The following OTOA variants were observed in gnomAD, a reference collection of about 807,000 sequenced individuals.
The protein encoded by OTOA is otoancorin.
A neutral mutation model predicts 110.8 loss-of-function variants in OTOA; 70 were observed. That is an observed-to-expected ratio of 0.63 (90% CI 0.52 to 0.77). The LOEUF (loss-of-function observed/expected upper bound fraction) is 0.77. OTOA is among the 30% of genes least tolerant of loss of function. OTOA has a pLI of 0.00. For synonymous variants in OTOA, 373 were observed against 431.5 expected, an observed-to-expected ratio of 0.86 and a Z score of 1.68; for missense variants, 917 against 1,075.8, an observed-to-expected ratio of 0.85 and a Z score of 2.06.
At chr16:21,684,877 A>G (rs1046075084) in intron 6 of OTOA, among the ~76,000 whole-genome samples, 2 of 151,400 alleles carry the variant, frequency 1.3e-5, no homozygotes, top group Admixed American at 1.3e-4. Context: ...TCAGCCTCCC[A>G]AGTAGCTGGG....
chr16:21,744,184 T>A (rs1015357251), intron 23 of OTOA, among the ~76,000 whole-genome samples: 1 of 147,430 alleles, frequency 6.8e-6, no homozygotes, highest in Non-Finnish European at 1.5e-5. Context: ...AGGGTCTCGC[T>A]CTGTCACCCA....
At chr16:21,672,129 ATAACT>A (rs1966850040) in intron 1 of OTOA, among the ~76,000 whole-genome samples, 1 of 152,128 alleles carries the variant, frequency 6.6e-6, no homozygotes, top group African/African-American at 2.4e-5. Context: ...GATATTCTAG[ATAACT>A]TAGAGTTTCA....
At chr16:21,759,591 G>T (rs550749230) in intron 28 of OTOA, among the ~76,000 whole-genome samples, 13 of 152,128 alleles carry the variant, frequency 8.5e-5, no homozygotes, top group Non-Finnish European at 1.3e-4. Flanking sequence ...AGATCACAGG[G>T]TCTGCATTTA....
chr16:21,735,374 C>T (rs1344591941), intron 21 of OTOA, among the ~76,000 whole-genome samples: 8 of 151,682 alleles, frequency 5.3e-5, no homozygotes, highest in Admixed American at 1.3e-4. Flanking sequence ...AGAGAACGCA[C>T]GCACTATTGT....
At chr16:21,685,474 TC>T in intron 7 of OTOA, 113 bp downstream of exon 7, 1 of 1,457,012 alleles carries the variant, frequency 6.9e-7, no homozygotes, top group Non-Finnish European at 9.3e-7. Context: ...TCTCTTCCTC[TC>T]TCCTTCTGCC....
At chr16:21,750,431 A>AAG (rs1766029885) in intron 24 of OTOA, among the ~76,000 whole-genome samples, 1 of 100,876 alleles carries the variant, frequency 9.9e-6, no homozygotes, top group African/African-American at 3.7e-5. Context: ...AAAAAAAAAA[A>AAG]GGAATTTATT....
At chr16:21,725,343 G>A (rs1898880617) in intron 18 of OTOA, among the ~76,000 whole-genome samples, 1 of 152,094 alleles carries the variant, frequency 6.6e-6, no homozygotes, top group Non-Finnish European at 1.5e-5. Flanking sequence ...GGAGTGCAGT[G>A]GTGCGATCTC....
At chr16:21,704,965 C>T in intron 11 of OTOA, 1 of 835,320 alleles carries the variant, frequency 1.2e-6, no homozygotes, top group South Asian at 1.3e-5. Flanking sequence ...AATTCAGCCC[C>T]CATTCCTTGG....
intron 17 of OTOA, among the ~76,000 whole-genome samples, 196 bp downstream of exon 17, chr16:21,719,700 G>A (rs73531709): frequency 6.6e-6 from 1 of 152,092 alleles, no homozygotes; most frequent in Non-Finnish European, 1.5e-5. Flanking sequence ...TACAGCCAAA[G>A]AATCAACAGA....
chr16:21,683,270 A>G (rs1479607532), intron 6 of OTOA, among the ~76,000 whole-genome samples: 1 of 152,228 alleles, frequency 6.6e-6, no homozygotes, highest in Non-Finnish European at 1.5e-5. Context: ...ACTGTGTGCT[A>G]GCAACTATTG....
intron 6 of OTOA, among the ~76,000 whole-genome samples, chr16:21,684,759 A>ATTT (rs1183678710): frequency 1.1e-4 from 10 of 92,376 alleles, no homozygotes; most frequent in African/African-American, 3.9e-4. Context: ...TATTATTATT[A>ATTT]TTATTATTTT....
In OTOA at chr16:21,715,119, G is replaced by C. The variant is rs750958473; in HGVS notation, c.1455G>C (p.Leu485Phe). 1 of 1,614,196 alleles carries C rather than the reference G, an allele frequency of 6.2e-7. No homozygotes were observed. The highest frequency in any genetic ancestry group is 8.5e-7 in the Non-Finnish European group (1 of 1,180,026). ...RSAVSQYVSDLSPAQQQGILS... is the reference protein window; with the variant it reads ...RSAVSQYVSDFSPAQQQGILS... ...CCGTCTCCCAGTATGTATCCGACTT[G>C]TCACCTGCCCAGCAGCAAGGTATCC... Residue 485 changes from leucine (L) to phenylalanine (F), a missense_variant, in exon 14 of 29, where the codon TTG (leucine) becomes TTC (phenylalanine). Coordinates refer to ENST00000646100, the MANE Select transcript of OTOA (RefSeq NM_144672.4).
Position 21,667,474 on chromosome 16 carries a change from G to A in OTOA, c.-5+3242G>A, listed in dbSNP as rs538299365. On this transcript the variant is annotated intron_variant, in intron 1 of 28. Coordinates refer to ENST00000646100, the MANE Select transcript of OTOA (RefSeq NM_144672.4). ...TCGAGACCATCCTGGCTAACACGGCGAAACCCTGTCTCTACTAAAAATACA... is the reference window on the plus strand; with the variant it reads ...TCGAGACCATCCTGGCTAACACGGCAAAACCCTGTCTCTACTAAAAATACA... Among the ~76,000 whole-genome samples the A allele has an allele frequency of 5.3e-5, 8 of 152,118 alleles. No individual in the cohort carries two copies. The East Asian group carries it at 7.7e-4, about 15-fold the overall frequency.
At chr16:21,671,264 C>T (rs1010257220) in intron 1 of OTOA, among the ~76,000 whole-genome samples, 13 of 151,872 alleles carry the variant, frequency 8.6e-5, no homozygotes, top group Non-Finnish European at 1.5e-4. Flanking sequence ...ATTTTACAGA[C>T]GAGAAAATTG....
chr16:21,668,644 T>C (rs549666166), intron 1 of OTOA, among the ~76,000 whole-genome samples: 1 of 151,686 alleles, frequency 6.6e-6, no homozygotes, highest in East Asian at 2.0e-4. Flanking sequence ...GTATCTTTAG[T>C]AGAGATGGGT....
intron 21 of OTOA, among the ~76,000 whole-genome samples, chr16:21,734,668 C>T (rs1374153398): frequency 6.6e-6 from 1 of 151,958 alleles, no homozygotes; most frequent in Non-Finnish European, 1.5e-5. Flanking sequence ...AACCCCGTCT[C>T]TACTAAAAAA....
At chr16:21,671,221 C>T (rs1279545508) in intron 1 of OTOA, among the ~76,000 whole-genome samples, 4 of 152,020 alleles carry the variant, frequency 2.6e-5, no homozygotes, top group Admixed American at 6.6e-5. Flanking sequence ...TACCCTCATA[C>T]GACACAGTGA....
chr16:21,735,901 C>T, intron 21 of OTOA, among the ~76,000 whole-genome samples: 1 of 152,086 alleles, frequency 6.6e-6, no homozygotes, highest in East Asian at 1.9e-4. Context: ...GCCTAACCTA[C>T]ATTTTTTGTC....
chr16:21,712,267 T>C (rs546663397), intron 13 of OTOA, among the ~76,000 whole-genome samples: 1 of 150,930 alleles, frequency 6.6e-6, no homozygotes, highest in African/African-American at 2.4e-5. Context: ...GCAGAGGAGG[T>C]TGCAGTGAGC....
Sources: allele counts gnomAD v4.1 joint callset (sites outside exome capture counted in the v4.1 genomes callset), GRCh38; gene constraint gnomAD v4.1.1; transcripts MANE v1.5; gene names NCBI Gene and HGNC (gene_info 2026-07-23, HGNC 2026-07-21).